Variants in MTFR1 observed in about 807,000 individuals in gnomAD.
MTFR1 encodes chondrocyte protein with a poly-proline region.
MTFR1 carries 28 observed loss-of-function variants against 38.8 expected under a neutral mutation model. That is an observed-to-expected ratio of 0.72 (90% CI 0.53 to 0.99). MTFR1 has a LOEUF of 0.99. Ranked by LOEUF, MTFR1 falls within the 50% of genes least tolerant of loss-of-function variation. MTFR1 has a pLI of 0.00. For missense variants in MTFR1, 358 were observed against 395.5 expected, an observed-to-expected ratio of 0.91 and a Z score of 0.81; for synonymous variants, 145 against 137.0, an observed-to-expected ratio of 1.06 and a Z score of -0.41.
At chr8:65,720,851 C>G in intron 3 of MTFR1, among the ~76,000 whole-genome samples, 1 of 152,200 alleles carries the variant, frequency 6.6e-6, no homozygotes. Flanking sequence ...TTGAGCCAGC[C>G]ACCCAAAGCC....
intron 1 of MTFR1, among the ~76,000 whole-genome samples, chr8:65,654,665 A>G (rs1210835594): frequency 6.6e-6 from 1 of 152,118 alleles, no homozygotes; most frequent in Non-Finnish European, 1.5e-5. Flanking sequence ...GTAACCTCAA[A>G]TTCCTGGGCT....
chr8:65,645,874 A>G lies in MTFR1; in HGVS notation c.-81+1090A>G, dbSNP rs913714023. Among the ~76,000 whole-genome samples the G allele has an allele frequency of 1.2e-4, 19 of 152,174 alleles. 1 individual carries two copies. The highest frequency in any genetic ancestry group is 1.5e-5 in the Non-Finnish European group (1 of 68,030). ...AAATCCCAGACATTATATAATTTCA[A>G]TTATTTTACATATTTCTATGCCTCT... On this transcript the variant is annotated intron_variant, in intron 1 of 7. Transcript: ENST00000262146.
intron 1 of MTFR1, among the ~76,000 whole-genome samples, chr8:65,662,835 T>G (rs1322309956): frequency 2.7e-5 from 4 of 147,584 alleles, no homozygotes; most frequent in Non-Finnish European, 6.0e-5. Flanking sequence ...CGCCCGGCCA[T>G]CCACCTCGTC....
intron 3 of MTFR1, among the ~76,000 whole-genome samples, chr8:65,763,827 C>T (rs1808632223): frequency 6.6e-6 from 1 of 152,194 alleles, no homozygotes; most frequent in African/African-American, 2.4e-5. Context: ...ATGTCACCAA[C>T]TTGCCAAAGC....
chr8:65,740,854 T>C (rs906461740), intron 3 of MTFR1, among the ~76,000 whole-genome samples: 1 of 152,156 alleles, frequency 6.6e-6, no homozygotes, highest in Non-Finnish European at 1.5e-5. Flanking sequence ...TGTTCTAGAT[T>C]CTCTCATCTC....
intron 1 of MTFR1, among the ~76,000 whole-genome samples, chr8:65,650,427 C>G (rs1023839699): frequency 6.6e-6 from 1 of 152,098 alleles, no homozygotes; most frequent in African/African-American, 2.4e-5. Flanking sequence ...CTTCCTTGGC[C>G]TCCCAAAGTG....
chr8:65,709,129 T>A lies in MTFR1; in HGVS notation c.*85T>A. The A allele has an allele frequency of 8.7e-7, 1 of 1,147,974 alleles. No individual in the cohort carries two copies. The highest frequency in any genetic ancestry group is 1.3e-6 in the Non-Finnish European group (1 of 758,382). 71.1% of individuals were successfully genotyped at this position (1,147,974 alleles called of 1,614,324 possible). Reference sequence around the variant, plus strand: ...GCTAGTAGAAATCGACACTGTTTAGTAAATACCTCTTTAGTATTCAGTGGT... The same window carrying A: ...GCTAGTAGAAATCGACACTGTTTAGAAAATACCTCTTTAGTATTCAGTGGT... On this transcript the variant is annotated 3_prime_UTR_variant, in exon 8 of 8. Transcript: ENST00000262146.
chr8:65,761,701 CG>C (rs755169314), intron 3 of MTFR1, among the ~76,000 whole-genome samples: 7 of 152,214 alleles, frequency 4.6e-5, no homozygotes, highest in Non-Finnish European at 8.8e-5. Context: ...TTAGTGATCA[CG>C]GGTATTACTT....
At chr8:65,683,552 A>G (rs1049882118) in intron 3 of MTFR1, among the ~76,000 whole-genome samples, 4 of 152,214 alleles carry the variant, frequency 2.6e-5, no homozygotes, top group African/African-American at 4.8e-5. Flanking sequence ...TATAAAATTC[A>G]ACAGATATCT....
chr8:65,655,969 C>CATATATATATATATATATATATATATA lies in MTFR1; in HGVS notation c.-81+11185_-81+11186insATATATATATATATATATATATATATA. 4.4e-4 allele frequency among the ~76,000 whole-genome samples: 25 copies of CATATATATATATATATATATATATATA among 56,464 alleles called. 3 individuals are homozygous for CATATATATATATATATATATATATATA. The highest frequency in any genetic ancestry group is 2.1e-3 in the African/African-American group (21 of 9,840). 37.0% of individuals were successfully genotyped at this position (56,464 alleles called of 152,430 possible). The stretch of plus-strand genomic sequence containing the variant: ...AAAAAAAAATATATATATATATATA[C>CATATATATATATATATATATATATATA]CATATATATATATATGGTAGTGGGT... On this transcript the variant is annotated intron_variant, in intron 1 of 7. Coordinates refer to ENST00000262146, the MANE Select transcript of MTFR1 (RefSeq NM_014637.4).
upstream of MTFR1, among the ~76,000 whole-genome samples, chr8:65,644,307 G>A (rs546473587): frequency 1.3e-5 from 2 of 152,272 alleles, no homozygotes; most frequent in Admixed American, 6.5e-5. Context: ...TCGGATGTGA[G>A]GTCCGCATAG....
intron 3 of MTFR1, among the ~76,000 whole-genome samples, chr8:65,734,633 G>C (rs1480534927): frequency 2.0e-5 from 3 of 152,166 alleles, no homozygotes; most frequent in African/African-American, 7.2e-5. Context: ...GTTGCACTCT[G>C]AAACACAGCC....
chr8:65,664,069 G>T (rs1804300512), intron 1 of MTFR1, among the ~76,000 whole-genome samples: 1 of 152,026 alleles, frequency 6.6e-6, no homozygotes, highest in Non-Finnish European at 1.5e-5. Context: ...TCCCACCTCA[G>T]CTTTCCAAAG....
At chr8:65,692,626 C>T (rs1297516902) in intron 3 of MTFR1, among the ~76,000 whole-genome samples, 1 of 152,034 alleles carries the variant, frequency 6.6e-6, no homozygotes, top group African/African-American at 2.4e-5. Flanking sequence ...AGGCAGGAAC[C>T]ACTGCACCTG....
At chr8:65,772,243 C>T (rs1809119183), downstream of MTFR1, among the ~76,000 whole-genome samples, 1 of 152,176 alleles carries the variant, frequency 6.6e-6, no homozygotes, top group African/African-American at 2.4e-5. Flanking sequence ...ATTTAATACA[C>T]ATATCCAGAA....
intron 3 of MTFR1, among the ~76,000 whole-genome samples, chr8:65,723,923 C>T (rs1003786682): frequency 3.3e-5 from 5 of 152,088 alleles, no homozygotes; most frequent in African/African-American, 9.7e-5. Flanking sequence ...TTTTAAATTA[C>T]ACACACAAAA....
intron 1 of MTFR1, among the ~76,000 whole-genome samples, chr8:65,649,334 G>A (rs1033888515): frequency 3.3e-5 from 5 of 151,930 alleles, no homozygotes; most frequent in Non-Finnish European, 4.4e-5. Context: ...ACAGGACCCC[G>A]CCACCACGAC....
intron 1 of MTFR1, among the ~76,000 whole-genome samples, chr8:65,662,291 G>A (rs1171485762): frequency 2.0e-5 from 3 of 152,094 alleles, no homozygotes; most frequent in Non-Finnish European, 4.4e-5. Flanking sequence ...GTGGAGACGG[G>A]ATTTCGCTGT....
At chr8:65,689,180 C>T (rs1805196251) in intron 3 of MTFR1, among the ~76,000 whole-genome samples, 1 of 152,120 alleles carries the variant, frequency 6.6e-6, no homozygotes, top group South Asian at 2.1e-4. Context: ...GTATGTTATG[C>T]ATTTGGCTAT....
Sources: allele counts gnomAD v4.1 joint callset (sites outside exome capture counted in the v4.1 genomes callset), GRCh38; gene constraint gnomAD v4.1.1; transcripts MANE v1.5; gene names NCBI Gene and HGNC (gene_info 2026-07-23, HGNC 2026-07-21).